THSD7B: variants seen among roughly 807,000 people sequenced by gnomAD.
THSD7B encodes the protein thrombospondin type-1 domain-containing protein 7B.
In THSD7B, 138 loss-of-function variants were observed where a neutral mutation model predicts 213.6. That is an observed-to-expected ratio of 0.65 (90% CI 0.56 to 0.74). The LOEUF is 0.74. Ranked by LOEUF, THSD7B falls within the 30% of genes least tolerant of loss-of-function variation. The pLI is 0.00. For synonymous variants in THSD7B, 742 were observed against 687.0 expected (o/e 1.08, Z -1.25); for missense variants, 1,931 against 1,991.5 (o/e 0.97, Z 0.58).
In THSD7B at chr2:137,412,259, T is replaced by C. The variant is rs575857352; in HGVS notation, c.2959+387T>C. ...GCATCAGAACTTGAGTGTCTTCTAA[T>C]GTAGTTGAGAAAAAAAAAAATCAAT... On this transcript the variant is annotated intron_variant, in intron 14 of 27. Coordinates refer to ENST00000409968, the MANE Select transcript of THSD7B (RefSeq NM_001316349.2). Among the ~76,000 whole-genome samples the C allele has an allele frequency of 4.1e-5, 5 of 123,214 alleles. No homozygotes were observed. In the Admixed American group the frequency reaches 4.6e-4, roughly 11 times the overall value. 80.8% of individuals were successfully genotyped at this position (123,214 alleles called of 152,430 possible). A position where few individuals can be genotyped will look rare whatever the true frequency, so the allele number is the denominator to read the frequency against.
At chr2:136,917,968 T>C (rs988267876) in intron 2 of THSD7B, among the ~76,000 whole-genome samples, 2 of 152,230 alleles carry the variant, frequency 1.3e-5, no homozygotes, top group African/African-American at 4.8e-5. Flanking sequence ...AGAACAGTGG[T>C]AACTAGTTGT....
intron 14 of THSD7B, among the ~76,000 whole-genome samples, chr2:137,441,493 C>G (rs1653608956): frequency 6.6e-6 from 1 of 152,108 alleles, no homozygotes; most frequent in African/African-American, 2.4e-5. Flanking sequence ...TATCAAAATT[C>G]TGCTACACTG....
intron 2 of THSD7B, among the ~76,000 whole-genome samples, chr2:136,945,600 G>A (rs945961873): frequency 6.6e-6 from 1 of 152,100 alleles, no homozygotes; most frequent in Non-Finnish European, 1.5e-5. Context: ...GTCACTTTCA[G>A]GTACATCAGT....
At chr2:137,306,863 T>C (rs1166426671) in intron 12 of THSD7B, among the ~76,000 whole-genome samples, 1 of 152,170 alleles carries the variant, frequency 6.6e-6, no homozygotes, top group Non-Finnish European at 1.5e-5. Context: ...ATTTTCTGAT[T>C]GTTCCTTTTA....
At chr2:137,087,575 A>G (rs1325086913) in intron 3 of THSD7B, among the ~76,000 whole-genome samples, 45 of 152,176 alleles carry the variant, frequency 3.0e-4, no homozygotes, top group Admixed American at 2.9e-3. Flanking sequence ...ACAAAACAAA[A>G]CAAAATAAAA....
At chr2:136,914,627 A>G (rs564152) in intron 2 of THSD7B, among the ~76,000 whole-genome samples, 63,168 of 151,984 alleles carry the variant, frequency 0.42, 15,052 homozygotes, top group Non-Finnish European at 0.55. Context: ...ATGAGATCTG[A>G]TGGGTTTATC....
At chr2:137,427,188 C>T (rs1484112357) in intron 14 of THSD7B, among the ~76,000 whole-genome samples, 2 of 152,036 alleles carry the variant, frequency 1.3e-5, no homozygotes, top group African/African-American at 4.8e-5. Flanking sequence ...ATACAAGGCT[C>T]TTGGGAATGT....
chr2:137,326,190 G>A (rs958989917), intron 12 of THSD7B, among the ~76,000 whole-genome samples: 2 of 152,090 alleles, frequency 1.3e-5, no homozygotes, highest in African/African-American at 2.4e-5. Flanking sequence ...AGCTTCTATC[G>A]AGACCCATGA....
At chr2:136,965,379 A>G (rs2105090085) in intron 2 of THSD7B, among the ~76,000 whole-genome samples, 1 of 152,356 alleles carries the variant, frequency 6.6e-6, no homozygotes, top group South Asian at 2.1e-4. Context: ...GGGGATGGGA[A>G]GAATGTGCTG....
chr2:137,644,811 T>TA (rs1682999452), intron 21 of THSD7B, among the ~76,000 whole-genome samples: 1 of 152,176 alleles, frequency 6.6e-6, no homozygotes, highest in South Asian at 2.1e-4. Context: ...GTGATGATAT[T>TA]TAGGTGGCTG....
intron 3 of THSD7B, among the ~76,000 whole-genome samples, chr2:137,084,634 C>A (rs1021492140): frequency 6.6e-6 from 1 of 152,094 alleles, no homozygotes; most frequent in East Asian, 1.9e-4. Context: ...CTTGGGCTAC[C>A]CTCCTGCTAT....
chr2:137,088,703 T>C (rs1004314592), intron 3 of THSD7B, among the ~76,000 whole-genome samples: 1 of 148,210 alleles, frequency 6.7e-6, no homozygotes, highest in African/African-American at 2.5e-5. Flanking sequence ...ACCCACAGAG[T>C]AGGAAAAAAT....
intron 1 of THSD7B, among the ~76,000 whole-genome samples, chr2:136,867,463 C>A (rs893584963): frequency 6.6e-6 from 1 of 152,174 alleles, no homozygotes; most frequent in Non-Finnish European, 1.5e-5. Context: ...CTTACCCACA[C>A]TTTTCTGCCC....
chr2:137,618,464 T>A lies in THSD7B; in HGVS notation c.3638T>A (p.Val1213Glu). The A allele has an allele frequency of 6.2e-7, 1 of 1,613,882 alleles. No individual in the cohort carries two copies. Among genetic ancestry groups the A allele is most frequent in the Non-Finnish European group, 8.5e-7 (1 of 1,179,854 alleles). Residue 1213 changes from valine (V) to glutamate (E), a missense_variant, in exon 19 of 28, where the codon GTG (valine) becomes GAG (glutamate). Val to Glu is a moderately radical substitution (Grantham distance 121, BLOSUM62 -2). Transcript: ENST00000409968. ...GTCAGGACCCGCCTGCTAAGCTGTG[T>A]GTGCAGTGATGGCAAGCCAGTCAGC... ...QGVRTRLLSCVCSDGKPVSMD... is the reference protein window; with the variant it reads ...QGVRTRLLSCECSDGKPVSMD...
intron 7 of THSD7B, among the ~76,000 whole-genome samples, chr2:137,226,447 CTGTT>C (rs776099352): frequency 1.3e-5 from 2 of 151,092 alleles, no homozygotes; most frequent in Non-Finnish European, 3.0e-5. Flanking sequence ...ATAGACTATG[CTGTT>C]TGTTTATTTT....
chr2:137,246,688 A>G (rs937291360), intron 10 of THSD7B, among the ~76,000 whole-genome samples: 2 of 152,174 alleles, frequency 1.3e-5, no homozygotes, highest in Non-Finnish European at 1.5e-5. Context: ...AGGTCTATCA[A>G]GCTTTGGCCT....
chr2:137,296,689 G>A (rs1683471204), intron 12 of THSD7B, among the ~76,000 whole-genome samples: 1 of 152,108 alleles, frequency 6.6e-6, no homozygotes, highest in African/African-American at 2.4e-5. Flanking sequence ...GAGATAAATT[G>A]CAGATATTTC....
chr2:137,146,340 C>G (rs746461333), intron 5 of THSD7B, among the ~76,000 whole-genome samples: 1 of 152,008 alleles, frequency 6.6e-6, no homozygotes, highest in Non-Finnish European at 1.5e-5. Flanking sequence ...CATGGAAAAG[C>G]ACAACAAAGC....
chr2:137,367,523 C>T (rs1177784341), intron 12 of THSD7B, among the ~76,000 whole-genome samples: 1 of 152,142 alleles, frequency 6.6e-6, no homozygotes, highest in African/African-American at 2.4e-5. Context: ...TTCAAAAGGT[C>T]ACCAGTTTTT....
Sources: allele counts gnomAD v4.1 joint callset (sites outside exome capture counted in the v4.1 genomes callset), GRCh38; gene constraint gnomAD v4.1.1; transcripts MANE v1.5; gene names NCBI Gene and HGNC (gene_info 2026-07-23, HGNC 2026-07-21).